The following ASIC4 variants were observed in gnomAD, a reference collection of about 807,000 sequenced individuals.
ASIC4 encodes the protein acid-sensing ion channel 4.
Under a neutral mutation model 53.4 loss-of-function variants are expected in ASIC4, and 28 were observed. The ratio of observed to expected loss-of-function variants is 0.52; its 90% CI spans 0.39 to 0.72. The LOEUF (loss-of-function observed/expected upper bound fraction) is 0.72. Ranked by LOEUF, ASIC4 falls within the 30% of genes least tolerant of loss-of-function variation. ASIC4 has a pLI of 0.00. For synonymous variants in ASIC4, 289 were observed against 301.4 expected (o/e 0.96, Z 0.43); for missense variants, 649 against 729.7 (o/e 0.89, Z 1.27).
intron 1 of ASIC4, 103 bp from the exon 2 acceptor site, chr2:219,531,655 T>C: frequency 4.5e-6 from 6 of 1,323,356 alleles, no homozygotes; most frequent in Non-Finnish European, 6.2e-6. Context: ...GGGACTGGAG[T>C]GTCCAAGCAG....
Position 219,533,222 on chromosome 2 carries a change from C to A in ASIC4, c.1075+283C>A, listed in dbSNP as rs35089093. 9.9e-3 allele frequency: 5,280 copies of A among 533,786 alleles called. 209 individuals are homozygous for A. The highest frequency in any genetic ancestry group is 0.088 in the African/African-American group (4,672 of 53,016). 33.1% of individuals were successfully genotyped at this position (533,786 alleles called of 1,614,324 possible). On this transcript the variant is annotated intron_variant, in intron 5 of 9. Coordinates refer to ENST00000358078, the MANE Select transcript of ASIC4 (RefSeq NM_018674.6). ...CATCTTGGTTCAGCCAATGAGCTCA[C>A]CCACTTTGAGAAAGTGAAATGACTT...
At chr2:219,530,979 A>G (rs1316277333) in intron 1 of ASIC4, among the ~76,000 whole-genome samples, 2 of 152,046 alleles carry the variant, frequency 1.3e-5, no homozygotes, top group East Asian at 1.9e-4. Context: ...AAGGTGGGAG[A>G]GCAGTTAGGA....
chr2:219,534,341 C>T (rs1574495038), intron 5 of ASIC4, among the ~76,000 whole-genome samples: 2 of 152,376 alleles, frequency 1.3e-5, no homozygotes, highest in African/African-American at 4.8e-5. Context: ...CTGCAAGGCA[C>T]AGCGGTAGAC....
rs6436153 is a variant in ASIC4, at chr2:219,537,943, C to T, written c.1517C>T (p.Pro506Leu). 5.2e-5 allele frequency: 83 copies of T among 1,608,204 alleles called. No individual in the cohort carries two copies. The highest frequency in any genetic ancestry group is 1.2e-4 in the Admixed American group (7 of 59,324). Reference sequence around the variant, plus strand: ...TTCTTTCTCCTGCAGAGTCCCTGCCCGAGCCGGGGCCGAGTGGAGGGTGGG... The same window carrying T: ...TTCTTTCTCCTGCAGAGTCCCTGCCTGAGCCGGGGCCGAGTGGAGGGTGGG... ...LQELKEQSPCPSRGRVEGGGV... is the reference protein window; with the variant it reads ...LQELKEQSPCLSRGRVEGGGV... The change falls in exon 10 of 10, where the codon CCG becomes CTG. Residue 506 changes from proline (P) to leucine (L), a missense_variant. Pro to Leu is a moderately conservative substitution (Grantham distance 98). Transcript: ENST00000358078. The surrounding 1 kb of genome is among the most constrained non-coding windows in gnomAD (Gnocchi z 4.9).
upstream of ASIC4, among the ~76,000 whole-genome samples, chr2:219,510,757 G>A (rs1313414622): frequency 6.6e-6 from 1 of 152,112 alleles, no homozygotes; most frequent in Non-Finnish European, 1.5e-5. This position sits in a 1 kb window ranked among gnomAD's most constrained non-coding sequence, Gnocchi z 5.2. Flanking sequence ...GGGGTGCAAG[G>A]AGTACTGGCG....
At chr2:219,514,400 G>C (rs562970540), upstream of ASIC4, 1 of 1,548,294 alleles carries the variant, frequency 6.5e-7, no homozygotes, top group South Asian at 1.2e-5. Flanking sequence ...TCGCTCCCTC[G>C]CTCACTCGCT....
rs187599928 is a variant in ASIC4, at chr2:219,520,318, C to G, written c.582+5012C>G. 4.1e-4 allele frequency among the ~76,000 whole-genome samples: 62 copies of G among 152,312 alleles called. 1 individual carries two copies. In the East Asian group the frequency reaches 0.012, roughly 28 times the overall value. On this transcript the variant is annotated intron_variant, in intron 1 of 9. Coordinates refer to ENST00000358078, the MANE Select transcript of ASIC4 (RefSeq NM_018674.6). ...CCTCCTCTCTCCTCTCCCTGCCCCA[C>G]CCAGCCGCCAGCCAGGACAGCTCTG...
At position 219,531,700 on chromosome 2, in the gene ASIC4, G is replaced by A. The variant is rs564012985; in HGVS notation, c.583-58G>A. ...CCCTCAGCAGGGAGCAGGGAACTTC[G>A]GAGTTGCCTTGGCCACTCCTTTCAT... is the stretch of plus-strand genomic sequence containing the variant. On this transcript the variant is annotated intron_variant, in intron 1 of 9. Coordinates refer to ENST00000358078, the MANE Select transcript of ASIC4 (RefSeq NM_018674.6). The A allele has an allele frequency of 7.2e-6, 11 of 1,525,332 alleles. No individual in the cohort carries two copies. The African/African-American group carries it at 1.2e-4, about 17-fold the overall frequency. 94.5% of individuals were successfully genotyped at this position (1,525,332 alleles called of 1,614,324 possible). A position where few individuals can be genotyped will look rare whatever the true frequency, so the allele number is the denominator to read the frequency against.
chr2:219,533,172 A>T (rs1574494531), intron 5 of ASIC4: 1 of 587,444 alleles, frequency 1.7e-6, no homozygotes, highest in South Asian at 2.0e-5. Context: ...AGAAGCCAGG[A>T]CTGGGAGTGA....
At chr2:219,535,583 G>A (rs2105981063) in intron 6 of ASIC4, among the ~76,000 whole-genome samples, 1 of 151,746 alleles carries the variant, frequency 6.6e-6, no homozygotes, top group African/African-American at 2.4e-5. Flanking sequence ...ACACTTATGA[G>A]TGTATGTATC....
At chr2:219,533,389 G>A (rs10932809) in intron 5 of ASIC4, 54,855 of 220,124 alleles carry the variant, frequency 0.25, 7,170 homozygotes, top group South Asian at 0.38. Flanking sequence ...GACCTTTACA[G>A]CCTGTGCTGG....
At chr2:219,521,443 C>T (rs1269384545) in intron 1 of ASIC4, among the ~76,000 whole-genome samples, 1 of 152,246 alleles carries the variant, frequency 6.6e-6, no homozygotes, top group African/African-American at 2.4e-5. Flanking sequence ...TGCCCTTCTG[C>T]TTCTTGGGAG....
At chr2:219,523,683 C>T (rs989494958) in intron 1 of ASIC4, among the ~76,000 whole-genome samples, 1 of 152,184 alleles carries the variant, frequency 6.6e-6, no homozygotes, top group African/African-American at 2.4e-5. Flanking sequence ...AGCTCCTGTT[C>T]CACCGTGGTG....
At position 219,535,321 on chromosome 2, in the gene ASIC4, T is replaced by G; in HGVS notation, c.1226T>G (p.Ile409Arg). ...AAGTACAACCGCAACGAGACCTACATACGGTATGTGTGTGTGTGTGTGGGG... is the reference window on the plus strand; with the variant it reads ...AAGTACAACCGCAACGAGACCTACAGACGGTATGTGTGTGTGTGTGTGGGG... ...ARKYNRNETY[I>R]RENFLVLDVF... Residue 409 changes from isoleucine to arginine, a missense_variant, in exon 6 of 10, where the codon ATA becomes AGA. By Grantham distance (97) the Ile-to-Arg change is moderately conservative. Transcript: ENST00000358078. 6.3e-7 allele frequency: 1 copy of G among 1,591,792 alleles called. No homozygotes were observed. Among genetic ancestry groups the G allele is most frequent in the Non-Finnish European group, 8.5e-7 (1 of 1,169,630 alleles).
upstream of ASIC4, among the ~76,000 whole-genome samples, chr2:219,509,382 C>CA (rs1694669544): frequency 3.3e-5 from 5 of 152,132 alleles, no homozygotes; most frequent in Admixed American, 3.3e-4. This position sits in a 1 kb window ranked among gnomAD's most constrained non-coding sequence, Gnocchi z 5.2. Context: ...CTGAGACAGA[C>CA]ACACTGACAC....
At chr2:219,512,798 G>A (rs898368311), upstream of ASIC4, among the ~76,000 whole-genome samples, 2 of 152,262 alleles carry the variant, frequency 1.3e-5, no homozygotes, top group African/African-American at 4.8e-5. Flanking sequence ...GAGGCTTGTG[G>A]GGAAGCCCAG....
intron 1 of ASIC4, among the ~76,000 whole-genome samples, chr2:219,520,578 A>G (rs1404026782): frequency 2.6e-5 from 4 of 152,148 alleles, no homozygotes; most frequent in African/African-American, 9.7e-5. Context: ...GGAGGTTCCA[A>G]GGGCTGCCCC....
In ASIC4 at chr2:219,532,534, C is replaced by A. The variant is rs538557789; in HGVS notation, c.1018+57C>A. ...GCCACCCTGCTAGGCTCCAGAGCCT[C>A]CCGGGGCAAGGCACTGCTCATGTGC... is the stretch of plus-strand genomic sequence containing the variant. On this transcript the variant is annotated intron_variant, in intron 4 of 9. Coordinates refer to ENST00000358078, the MANE Select transcript of ASIC4 (RefSeq NM_018674.6). The A allele has an allele frequency of 1.0e-5, 16 of 1,575,870 alleles. No homozygotes were observed. The Admixed American group carries it at 2.7e-4, about 27-fold the overall frequency.
chr2:219,510,703 C>G (rs910087783), upstream of ASIC4, among the ~76,000 whole-genome samples: 1 of 152,254 alleles, frequency 6.6e-6, no homozygotes, highest in African/African-American at 2.4e-5. This position sits in a 1 kb window ranked among gnomAD's most constrained non-coding sequence, Gnocchi z 5.2. Flanking sequence ...GTATGAAACT[C>G]GGGAGAAGGT....
Sources: allele counts gnomAD v4.1 joint callset (sites outside exome capture counted in the v4.1 genomes callset), GRCh38; gene constraint gnomAD v4.1.1; non-coding constraint Gnocchi (gnomAD v3.1); transcripts MANE v1.5; gene names NCBI Gene and HGNC (gene_info 2026-07-23, HGNC 2026-07-21).